PBX3: variants seen among roughly 807,000 people sequenced by gnomAD.
PBX3 encodes the protein pre-B-cell leukemia transcription factor 3.
A neutral mutation model predicts 48.5 loss-of-function variants in PBX3; 14 were observed. The observed-to-expected ratio is 0.29, with a 90% CI of 0.19 to 0.45. The LOEUF (loss-of-function observed/expected upper bound fraction) is 0.45. Ranked by LOEUF, PBX3 falls within the 20% of genes least tolerant of loss-of-function variation. The pLI, the probability that PBX3 is intolerant of heterozygous loss-of-function variation, is 1.00. For missense variants in PBX3, 386 were observed against 546.7 expected (o/e 0.71, Z 2.93); for synonymous variants, 210 against 200.3 (o/e 1.05, Z -0.41).
intron 2 of PBX3, among the ~76,000 whole-genome samples, chr9:125,793,391 A>ATATATT (rs1161535032): frequency 4.9e-5 from 7 of 142,868 alleles, no homozygotes; most frequent in Non-Finnish European, 1.1e-4. Context: ...ATATATATAT[A>ATATATT]TTTACTATTA....
At chr9:125,841,282 A>G (rs550477519) in intron 2 of PBX3, among the ~76,000 whole-genome samples, 3 of 152,324 alleles carry the variant, frequency 2.0e-5, no homozygotes, top group Non-Finnish European at 4.4e-5. Flanking sequence ...ACAGATAATT[A>G]AATTTATTCT....
rs780284691 is a variant in PBX3, at chr9:125,929,714, TC to T, written c.579del (p.Ile194PhefsTer33). The part of the protein sequence containing the change: ...NLLREQSRTR[P>X]ISPKEIERMV... ...TTCTCCGAGAACAGAGTAGAACACG[TC>T]CCATTTCTCCAAAAGAGATTGAAAG... On this transcript the variant is annotated frameshift_variant, in exon 4 of 9. Transcript: ENST00000373489. LOFTEE classifies it high-confidence loss of function. 6.2e-7 allele frequency: 1 copy of T among 1,613,868 alleles called. No individual in the cohort carries two copies. Among genetic ancestry groups the T allele is most frequent in the Admixed American group, 1.7e-5 (1 of 60,004 alleles).
intron 5 of PBX3, among the ~76,000 whole-genome samples, chr9:125,940,812 G>T (rs1308095857): frequency 6.6e-6 from 1 of 152,168 alleles, no homozygotes; most frequent in Non-Finnish European, 1.5e-5. Context: ...TTAGAAATCA[G>T]ATTAATAGTT....
intron 2 of PBX3, among the ~76,000 whole-genome samples, chr9:125,874,289 A>G: frequency 6.6e-6 from 1 of 152,204 alleles, no homozygotes; most frequent in East Asian, 1.9e-4. Context: ...TCAATTTTAC[A>G]CAAATTATAT....
rs148405246 is a variant in PBX3, at chr9:125,752,746, A to C, written c.274+4123A>C. Among the ~76,000 whole-genome samples, 140 of 152,288 alleles carry C rather than the reference A, an allele frequency of 9.2e-4. 1 individual carries two copies. Among genetic ancestry groups the C allele is most frequent in the Non-Finnish European group, 1.8e-3 (124 of 68,010 alleles). On this transcript the variant is annotated intron_variant, in intron 2 of 8. Coordinates refer to ENST00000373489, the MANE Select transcript of PBX3 (RefSeq NM_006195.6). Reference sequence around the variant, plus strand: ...TGTAAAAATCAATTTTTTCAAGTGAAAATTTAGCAAGAAAGGTGAAAATTG... The same window carrying C: ...TGTAAAAATCAATTTTTTCAAGTGACAATTTAGCAAGAAAGGTGAAAATTG...
intron 2 of PBX3, among the ~76,000 whole-genome samples, chr9:125,890,238 C>T (rs1840609678): frequency 6.6e-6 from 1 of 152,124 alleles, no homozygotes; most frequent in Non-Finnish European, 1.5e-5. Flanking sequence ...GGAAAAAATT[C>T]CCAACCAGCT....
rs1840788402 is a variant in PBX3, at chr9:125,897,121, G to A, written c.275-18565G>A. On this transcript the variant is annotated intron_variant, in intron 2 of 8. Transcript: ENST00000373489. ...GTGTCTTGTCAAAGCCATTTCATGTGGGCTTTATATTCATTTGTGGTTTTT... is the reference window on the plus strand; with the variant it reads ...GTGTCTTGTCAAAGCCATTTCATGTAGGCTTTATATTCATTTGTGGTTTTT... Among the ~76,000 whole-genome samples the A allele has an allele frequency of 2.7e-5, 4 of 147,506 alleles. No homozygotes were observed. The Admixed American group carries it at 2.7e-4, about 10-fold the overall frequency.
chr9:125,907,624 C>T (rs1187274881), intron 2 of PBX3, among the ~76,000 whole-genome samples: 2 of 152,012 alleles, frequency 1.3e-5, no homozygotes, highest in Admixed American at 6.6e-5. Flanking sequence ...AGGGGACCTT[C>T]TACAGTCACA....
At chr9:125,871,553 CAG>C (rs1300442729) in intron 2 of PBX3, among the ~76,000 whole-genome samples, 2 of 151,956 alleles carry the variant, frequency 1.3e-5, no homozygotes, top group African/African-American at 2.4e-5. Flanking sequence ...CAAGGTATAA[CAG>C]AAAACATTAT....
intron 2 of PBX3, among the ~76,000 whole-genome samples, chr9:125,841,663 T>G (rs1247154607): frequency 6.6e-6 from 1 of 152,200 alleles, no homozygotes; most frequent in African/African-American, 2.4e-5. Flanking sequence ...GTCTTGAGCT[T>G]GCTTGCAATG....
chr9:125,794,808 A>G (rs1837729608), intron 2 of PBX3, among the ~76,000 whole-genome samples: 1 of 147,660 alleles, frequency 6.8e-6, no homozygotes, highest in Non-Finnish European at 1.5e-5. Context: ...TTGGGCAACC[A>G]GAGGCAGAAT....
At chr9:125,819,447 C>A (rs376335585) in intron 2 of PBX3, among the ~76,000 whole-genome samples, 3 of 152,026 alleles carry the variant, frequency 2.0e-5, no homozygotes, top group African/African-American at 7.2e-5. Flanking sequence ...ATCACTTGAA[C>A]CCGGGAGGCG....
intron 3 of PBX3, among the ~76,000 whole-genome samples, chr9:125,917,276 T>C (rs779887104): frequency 2.6e-5 from 4 of 152,140 alleles, no homozygotes; most frequent in Non-Finnish European, 5.9e-5. Flanking sequence ...AAGAGAGATA[T>C]CACATATACC....
chr9:125,810,075 G>A (rs559838360), intron 2 of PBX3, among the ~76,000 whole-genome samples: 2 of 152,256 alleles, frequency 1.3e-5, no homozygotes, highest in South Asian at 2.1e-4. Flanking sequence ...GCAGAAAACT[G>A]CACTTGGCTG....
intron 2 of PBX3, among the ~76,000 whole-genome samples, chr9:125,793,366 A>ATATAT (rs1554855766): frequency 0.071 from 7,216 of 101,540 alleles, 368 homozygotes; most frequent in East Asian, 0.16. Flanking sequence ...GGAAAAAAAA[A>ATATAT]ATATATATAT....
At chr9:125,800,853 A>G (rs979994246) in intron 2 of PBX3, among the ~76,000 whole-genome samples, 14 of 151,362 alleles carry the variant, frequency 9.2e-5, no homozygotes, top group African/African-American at 3.4e-4. Context: ...TCCAGGTTCA[A>G]GCGATTCTCC....
Position 125,963,041 on chromosome 9 carries a change from G to A in PBX3, c.1152G>A (p.Gln384=). ...QVDTLRHVIN[Q]TGGYSDGLGG... ...ATACCCTCCGTCATGTTATCAATCA[G>A]ACGGGAGGCTACAGTGATGGCCTTG... Residue 384 remains glutamine (Q), a synonymous_variant, in exon 8 of 9, where the codon CAG becomes CAA. Coordinates refer to ENST00000373489, the MANE Select transcript of PBX3 (RefSeq NM_006195.6). 6.2e-7 allele frequency: 1 copy of A among 1,609,520 alleles called. No individual in the cohort carries two copies. The highest frequency in any genetic ancestry group is 8.5e-7 in the Non-Finnish European group (1 of 1,176,418).
intron 2 of PBX3, among the ~76,000 whole-genome samples, chr9:125,876,608 C>T (rs1005529999): frequency 6.6e-6 from 1 of 152,072 alleles, no homozygotes; most frequent in Admixed American, 6.5e-5. Flanking sequence ...AGGTGTTAAT[C>T]GACTGTTTCT....
intron 2 of PBX3, among the ~76,000 whole-genome samples, chr9:125,750,022 A>G (rs1836327607): frequency 6.6e-6 from 1 of 152,178 alleles, no homozygotes; most frequent in Admixed American, 6.5e-5. Context: ...AAGCGTTTTG[A>G]TTTAAAGCAG....
Sources: gnomAD v4.1 joint callset for allele counts (sites outside exome capture counted in the v4.1 genomes callset) on GRCh38, gnomAD v4.1.1 for gene constraint, MANE v1.5 for transcripts, NCBI Gene and HGNC (gene_info 2026-07-23, HGNC 2026-07-21) for gene names.